Variants in MAF observed in about 807,000 individuals in gnomAD.
MAF encodes the protein transcription factor Maf.
MAF carries 10 observed loss-of-function variants against 22.0 expected under a neutral mutation model. That is an observed-to-expected ratio of 0.45 (90% CI 0.28 to 0.77). The LOEUF is 0.77. Among genes scored for constraint, MAF ranks in the 30% least tolerant of loss-of-function variants. The pLI, the probability that MAF is intolerant of heterozygous loss-of-function variation, is 0.12. For synonymous variants in MAF, 337 were observed against 255.8 expected (o/e 1.32, Z -3.03); for missense variants, 544 against 548.4 (o/e 0.99, Z 0.08).
chr16:79,207,112 C>T, the MAF span, among the ~76,000 whole-genome samples: 15 of 152,188 alleles, frequency 9.9e-5, no homozygotes, highest in Admixed American at 3.3e-4. Flanking sequence ...GGCGTGTAGA[C>T]GGCCATCTAT....
chr16:79,313,738 T>C, the MAF span, among the ~76,000 whole-genome samples: 1 of 152,152 alleles, frequency 6.6e-6, no homozygotes, highest in South Asian at 2.1e-4. Context: ...TTTGCCTATC[T>C]CACTCCGCTC....
At chr16:79,280,871 C>G in the MAF span, among the ~76,000 whole-genome samples, 1 of 152,168 alleles carries the variant, frequency 6.6e-6, no homozygotes, top group Non-Finnish European at 1.5e-5. Context: ...ATGCGGATTC[C>G]TTATTGAGTA....
the MAF span, among the ~76,000 whole-genome samples, chr16:79,523,435 C>T: frequency 6.6e-6 from 1 of 152,196 alleles, no homozygotes; most frequent in Non-Finnish European, 1.5e-5. Flanking sequence ...ACACATGTTA[C>T]TTATTTCTAT....
chr16:79,234,386 C>G, the MAF span, among the ~76,000 whole-genome samples: 1 of 152,052 alleles, frequency 6.6e-6, no homozygotes, highest in Non-Finnish European at 1.5e-5. Flanking sequence ...TGTTCAATAT[C>G]TTATAAAACA....
chr16:79,354,987 T>A, the MAF span, among the ~76,000 whole-genome samples: 3 of 152,164 alleles, frequency 2.0e-5, no homozygotes, highest in African/African-American at 7.2e-5. Flanking sequence ...AAAACCTGTT[T>A]GGGAGACAGT....
chr16:79,479,334 C>A, the MAF span, among the ~76,000 whole-genome samples: 3 of 152,240 alleles, frequency 2.0e-5, no homozygotes, highest in East Asian at 1.9e-4. Flanking sequence ...AGTGTACCAT[C>A]CCCATGTAGG....
the MAF span, among the ~76,000 whole-genome samples, chr16:79,509,949 G>A: frequency 6.6e-6 from 1 of 152,214 alleles, no homozygotes; most frequent in Non-Finnish European, 1.5e-5. Context: ...GGGACTCACC[G>A]CTGAAGGATA....
the MAF span, among the ~76,000 whole-genome samples, chr16:79,299,440 A>G: frequency 1.3e-5 from 2 of 152,136 alleles, no homozygotes; most frequent in Non-Finnish European, 1.5e-5. Flanking sequence ...CTATTAAGAT[A>G]ACAAAAGGTC....
the MAF span, among the ~76,000 whole-genome samples, chr16:79,423,007 T>C: frequency 9.2e-5 from 14 of 151,776 alleles, no homozygotes; most frequent in Non-Finnish European, 2.1e-4. Flanking sequence ...AAAGGAAACT[T>C]TGAGGATGTG....
At chr16:79,240,792 G>A in the MAF span, among the ~76,000 whole-genome samples, 1 of 151,934 alleles carries the variant, frequency 6.6e-6, no homozygotes, top group Non-Finnish European at 1.5e-5. Flanking sequence ...TCATACAAGA[G>A]AGCTTCGGCT....
the MAF span, among the ~76,000 whole-genome samples, chr16:79,502,718 T>TATATAAATATAA: frequency 2.8e-4 from 5 of 18,162 alleles, no homozygotes; most frequent in African/African-American, 5.6e-4. Context: ...AATATATATA[T>TATATAAATATAA]ATATATATAT....
chr16:79,502,726 T>TAC, the MAF span, among the ~76,000 whole-genome samples: 1 of 101,644 alleles, frequency 9.8e-6, no homozygotes, highest in Non-Finnish European at 1.8e-5. Flanking sequence ...TATATATATA[T>TAC]ATATATATAT....
the MAF span, among the ~76,000 whole-genome samples, chr16:79,334,501 T>C: frequency 6.6e-6 from 1 of 152,010 alleles, no homozygotes; most frequent in South Asian, 2.1e-4. Context: ...ACCAAGGAGG[T>C]GGTTACATGG....
the MAF span, among the ~76,000 whole-genome samples, chr16:79,476,573 A>G: frequency 5.9e-5 from 9 of 152,204 alleles, no homozygotes; most frequent in African/African-American, 2.2e-4. Flanking sequence ...TGGCAAATTT[A>G]CATGTTCTCT....
the MAF span, among the ~76,000 whole-genome samples, chr16:79,328,571 CA>C: frequency 6.6e-6 from 1 of 152,194 alleles, no homozygotes; most frequent in Admixed American, 6.5e-5. Flanking sequence ...TAATTCTCTT[CA>C]GAGCCTAAAA....
At chr16:79,386,090 G>T in the MAF span, among the ~76,000 whole-genome samples, 1 of 152,198 alleles carries the variant, frequency 6.6e-6, no homozygotes, top group African/African-American at 2.4e-5. Flanking sequence ...ATAATCAGCA[G>T]TCCCCAACCT....
the MAF span, among the ~76,000 whole-genome samples, chr16:79,421,765 A>G: frequency 6.6e-6 from 1 of 151,254 alleles, no homozygotes; most frequent in Admixed American, 6.6e-5. Context: ...CCTCTTGAGT[A>G]GTGAATTCTT....
At chr16:79,343,466 C>T in the MAF span, among the ~76,000 whole-genome samples, 64 of 152,266 alleles carry the variant, frequency 4.2e-4, 1 homozygote, top group East Asian at 1.5e-3. Flanking sequence ...AAGTGTTCCA[C>T]GGAGTCCACA....
At chr16:79,529,236 T>C in the MAF span, among the ~76,000 whole-genome samples, 6 of 152,114 alleles carry the variant, frequency 3.9e-5, no homozygotes, top group Non-Finnish European at 7.4e-5. Context: ...CACCTTCCCA[T>C]GCGCCAAAAA....
Sources: gnomAD v4.1 joint callset for allele counts (sites outside exome capture counted in the v4.1 genomes callset) on GRCh38, gnomAD v4.1.1 for gene constraint, MANE v1.5 for transcripts, NCBI Gene and HGNC (gene_info 2026-07-23, HGNC 2026-07-21) for gene names.